The following ADGRG1 variants were observed in gnomAD, a reference collection of about 807,000 sequenced individuals.
ADGRG1 encodes the protein 7-transmembrane protein with no EGF-like N-terminal domains-1.
In ADGRG1, 53 loss-of-function variants were observed where a neutral mutation model predicts 73.5. The ratio of observed to expected loss-of-function variants is 0.72; its 90% CI spans 0.58 to 0.91. The LOEUF (loss-of-function observed/expected upper bound fraction) is 0.91, where lower values mean the gene tolerates loss of function less well. ADGRG1 is among the 40% of genes least tolerant of loss of function. The pLI is 0.00. For missense variants in ADGRG1, 795 were observed against 871.8 expected (o/e 0.91, Z 1.11); for synonymous variants, 394 against 374.4 (o/e 1.05, Z -0.60).
At chr16:57,631,798 C>T in intron 1 of ADGRG1, 2 of 985,470 alleles carry the variant, frequency 2.0e-6, no homozygotes, top group Non-Finnish European at 2.4e-6. Context: ...TTGGCTGAGA[C>T]CCTGCCCCTC....
intron 1 of ADGRG1, chr16:57,641,696 G>C (rs1219706974): frequency 3.5e-6 from 1 of 283,426 alleles, no homozygotes; most frequent in Middle Eastern, 1.7e-3. Flanking sequence ...CTCCCGAGTA[G>C]CTGGGATTAC....
At chr16:57,634,251 C>G (rs2038785370) in intron 1 of ADGRG1, 1 of 985,284 alleles carries the variant, frequency 1.0e-6, no homozygotes, top group Non-Finnish European at 1.2e-6. Flanking sequence ...CCCTGGGTCT[C>G]GGACCCTGTG....
chr16:57,664,465 AG>A lies in ADGRG1; in HGVS notation c.*887del, dbSNP rs1393559231. On this transcript the variant is annotated 3_prime_UTR_variant, in exon 14 of 14. Transcript: ENST00000562631. Reference sequence around the variant, plus strand: ...CACCCTGACCAAGCACACGCCTCAGAGGGGCCCTCAGCCTCTCCTGAAGCCC... The same window carrying A: ...CACCCTGACCAAGCACACGCCTCAGAGGGCCCTCAGCCTCTCCTGAAGCCC... 1 of 152,274 alleles carries A rather than the reference AG, an allele frequency of 6.6e-6. No individual in the cohort carries two copies. The highest frequency in any genetic ancestry group is 2.4e-5 in the African/African-American group (1 of 41,410). The allele number at this position is 152,274 out of a possible 1,614,324, so 9.4% of individuals were successfully genotyped here. A position where few individuals can be genotyped will look rare whatever the true frequency, so the allele number is the denominator to read the frequency against.
At chr16:57,658,239 C>G (rs867129643) in intron 10 of ADGRG1, among the ~76,000 whole-genome samples, 3 of 152,328 alleles carry the variant, frequency 2.0e-5, no homozygotes, top group Admixed American at 6.5e-5. Context: ...TGTCAAACTT[C>G]CCGTGTGCCA....
At chr16:57,661,290 G>A (rs1355109495) in intron 12 of ADGRG1, 2 of 985,274 alleles carry the variant, frequency 2.0e-6, no homozygotes, top group Middle Eastern at 5.2e-4. Flanking sequence ...GATGAGTGGG[G>A]TTGAAGTCCA....
intron 1 of ADGRG1, chr16:57,644,277 C>A: frequency 2.6e-6 from 2 of 770,798 alleles, no homozygotes; most frequent in Non-Finnish European, 3.2e-6. Flanking sequence ...GGCACACACA[C>A]TCATCACACA....
At chr16:57,653,956 C>G in intron 4 of ADGRG1, 30 bp from the exon 5 acceptor site, 1 of 1,613,418 alleles carries the variant, frequency 6.2e-7, no homozygotes, top group Non-Finnish European at 8.5e-7. Context: ...CCCCTCCCCA[C>G]CATCACCACC....
At chr16:57,662,267 G>A (rs1419164006) in intron 13 of ADGRG1, among the ~76,000 whole-genome samples, 16 of 152,156 alleles carry the variant, frequency 1.1e-4, no homozygotes, top group Admixed American at 1.0e-3. Flanking sequence ...CATCAAAGGT[G>A]GTCCCAGATA....
intron 2 of ADGRG1, 106 bp downstream of exon 2, chr16:57,650,457 C>T (rs1329454389): frequency 1.8e-5 from 28 of 1,596,552 alleles, no homozygotes; most frequent in Admixed American, 3.4e-5. Flanking sequence ...GCAGTTACAG[C>T]TCGGCTAGTG....
intron 1 of ADGRG1, chr16:57,641,283 T>G (rs1318263112): frequency 1.0e-6 from 1 of 985,140 alleles, no homozygotes; most frequent in East Asian, 1.1e-4. Context: ...GCTCTAGGCA[T>G]GTACATTCCC....
chr16:57,650,181 C>G (rs2043691634), intron 1 of ADGRG1, 72 bp from the exon 2 acceptor site: 1 of 1,575,686 alleles, frequency 6.3e-7, no homozygotes, highest in Non-Finnish European at 8.7e-7. Context: ...CCACACTGGC[C>G]TCCTCTTCTG....
chr16:57,655,820 T>C, intron 6 of ADGRG1, 56 bp from the exon 7 acceptor site: 1 of 1,613,864 alleles, frequency 6.2e-7, no homozygotes, highest in Non-Finnish European at 8.5e-7. Flanking sequence ...TTCTGGGCCC[T>C]TCTTCTCAGT....
intron 1 of ADGRG1, chr16:57,636,440 G>T: frequency 2.0e-6 from 2 of 985,260 alleles, no homozygotes; most frequent in Non-Finnish European, 2.4e-6. Context: ...ATCCTATCAG[G>T]CTATGCACAG....
chr16:57,661,680 C>T lies in ADGRG1; in HGVS notation c.1665-17C>T. The T allele has an allele frequency of 6.2e-7, 1 of 1,610,490 alleles. No individual in the cohort carries two copies. The highest frequency in any genetic ancestry group is 8.5e-7 in the Non-Finnish European group (1 of 1,178,602). The stretch of plus-strand genomic sequence containing the variant: ...CCGTGCTGGCCACACGCTGAGCCCT[C>T]CTGCCTTTGCCCGCAGGTGCTGGAT... On this transcript the variant is annotated splice_polypyrimidine_tract_variant and intron_variant, in intron 12 of 13. Transcript: ENST00000562631.
At position 57,659,676 on chromosome 16, in the gene ADGRG1, G is replaced by C. The variant is rs750442112; in HGVS notation, c.1550G>C (p.Gly517Ala). ...TACCTACTCAAGCTGAGCGCCATGG[G>C]CTGGGGTAAGTGGTTGGGCGGGGGG... The part of the protein sequence containing the change: ...PGYLLKLSAM[G>A]WGFPIFLVTL... The change falls in exon 11 of 14, where the codon GGC becomes GCC. Residue 517 changes from glycine to alanine, a missense_variant. Gly to Ala is a moderately conservative substitution (Grantham distance 60, BLOSUM62 0). Coordinates refer to ENST00000562631, the MANE Select transcript of ADGRG1 (RefSeq NM_201525.4). 8 of 1,613,732 alleles carry C rather than the reference G, an allele frequency of 5.0e-6. No individual in the cohort carries two copies. The Admixed American group carries it at 6.7e-5, about 13-fold the overall frequency.
chr16:57,628,438 T>C, upstream of ADGRG1: 1 of 851,592 alleles, frequency 1.2e-6, no homozygotes, highest in Non-Finnish European at 1.4e-6. Flanking sequence ...TGCCCGGCGC[T>C]GAGTCATGGG....
chr16:57,660,585 C>T, intron 11 of ADGRG1, 183 bp from the exon 12 acceptor site: 1 of 893,914 alleles, frequency 1.1e-6, no homozygotes, highest in Non-Finnish European at 1.3e-6. Flanking sequence ...TATAGGAAAC[C>T]CATACTGGAA....
upstream of ADGRG1, chr16:57,625,658 T>C (rs13331201): frequency 3.6e-3 from 3,497 of 984,842 alleles, 87 homozygotes; most frequent in African/African-American, 0.051. Context: ...AAAATACACA[T>C]TCAGATTCAG....
In ADGRG1 at chr16:57,645,027, TCA is replaced by T. The variant is rs1309141779; in HGVS notation, c.-35-5220_-35-5219del. On this transcript the variant is annotated intron_variant, in intron 1 of 13. Transcript: ENST00000562631. Reference sequence around the variant, plus strand: ...ACTCATGCATGGGCGCACACACTCATCACACACTCATGCACATACACACACTC... The same window carrying T: ...ACTCATGCATGGGCGCACACACTCATCACACTCATGCACATACACACACTC... 21 of 964,034 alleles carry T rather than the reference TCA, an allele frequency of 2.2e-5. No homozygotes were observed. The African/African-American group carries it at 3.5e-4, about 16-fold the overall frequency. The allele number at this position is 964,034 out of a possible 1,614,324, so 59.7% of individuals were successfully genotyped here.
Sources: allele counts gnomAD v4.1 joint callset (sites outside exome capture counted in the v4.1 genomes callset), GRCh38; gene constraint gnomAD v4.1.1; transcripts MANE v1.5; gene names NCBI Gene and HGNC (gene_info 2026-07-23, HGNC 2026-07-21).